Variants in MASP1 observed in about 807,000 individuals in gnomAD.
MASP1 encodes the protein MBL associated serine protease 1.
In MASP1, 59 loss-of-function variants were observed where a neutral mutation model predicts 77.1. The observed-to-expected ratio is 0.77, with a 90% CI of 0.62 to 0.95. The LOEUF (loss-of-function observed/expected upper bound fraction) is 0.95. MASP1 is among the 40% of genes least tolerant of loss of function. MASP1 has a pLI of 0.00. For synonymous variants in MASP1, 362 were observed against 354.5 expected, an observed-to-expected ratio of 1.02 and a Z score of -0.24; for missense variants, 885 against 912.9, an observed-to-expected ratio of 0.97 and a Z score of 0.39.
At chr3:187,271,846 T>A (rs1427697047) in intron 2 of MASP1, among the ~76,000 whole-genome samples, 1 of 152,158 alleles carries the variant, frequency 6.6e-6, no homozygotes, top group African/African-American at 2.4e-5. Flanking sequence ...CTTCCCTTCA[T>A]CACAGAACAT....
rs562751953 is a variant in MASP1, at chr3:187,252,364, G to A, written c.893-612C>T. Reference sequence around the variant, plus strand: ...ATGACCCAAATTGCTCTTTCTTCCCGAGGCCCTTCTTCAAAGCATTAGAAA... The same window carrying A: ...ATGACCCAAATTGCTCTTTCTTCCCAAGGCCCTTCTTCAAAGCATTAGAAA... On this transcript the variant is annotated intron_variant, in intron 6 of 10. Transcript: ENST00000296280. 7.6e-4 allele frequency among the ~76,000 whole-genome samples: 115 copies of A among 152,232 alleles called. 3 individuals carry two copies. In the South Asian group the frequency reaches 0.023, roughly 30 times the overall value.
intron 2 of MASP1, among the ~76,000 whole-genome samples, chr3:187,277,277 A>G (rs777353655): frequency 6.6e-6 from 1 of 152,080 alleles, no homozygotes; most frequent in African/African-American, 2.4e-5. Flanking sequence ...TGTGCTTTCT[A>G]CTGGAGAAAA....
intron 2 of MASP1, among the ~76,000 whole-genome samples, chr3:187,274,069 G>A (rs1171806769): frequency 1.3e-5 from 2 of 152,000 alleles, no homozygotes; most frequent in South Asian, 2.1e-4. Flanking sequence ...TTAGCCGGGC[G>A]TCCTGGCGGG....
intron 2 of MASP1, among the ~76,000 whole-genome samples, chr3:187,265,937 G>A (rs777122692): frequency 1.6e-4 from 25 of 152,220 alleles, no homozygotes; most frequent in African/African-American, 5.8e-4. Context: ...CACTGGTCCC[G>A]GTTAATATTT....
chr3:187,273,534 C>T (rs554342355), intron 2 of MASP1, among the ~76,000 whole-genome samples: 123 of 152,136 alleles, frequency 8.1e-4, no homozygotes, highest in Non-Finnish European at 1.5e-3. Context: ...AATGATTCAC[C>T]GACAGCCCCG....
At chr3:187,249,378 G>C (rs561353740) in intron 8 of MASP1, among the ~76,000 whole-genome samples, 1 of 152,148 alleles carries the variant, frequency 6.6e-6, no homozygotes, top group South Asian at 2.1e-4. Context: ...ACCTCACCAA[G>C]CCATTGTAAA....
intron 2 of MASP1, among the ~76,000 whole-genome samples, chr3:187,266,607 G>A (rs1483489681): frequency 1.3e-5 from 2 of 152,132 alleles, no homozygotes; most frequent in Non-Finnish European, 2.9e-5. Flanking sequence ...AGAGTATGTA[G>A]GGAGAGGAAA....
At chr3:187,226,498 G>C in exon 12 of MASP1, 7 of 1,611,576 alleles carry the variant, frequency 4.3e-6, no homozygotes, top group Non-Finnish European at 5.1e-6. Context: ...GGCAGTGTGC[G>C]GCGGTCACGA....
At position 187,260,766 on chromosome 3, in the gene MASP1, G is replaced by A; in HGVS notation, c.522C>T (p.Leu174=). The change falls in exon 4 of 11, where the codon CTC becomes CTT. Residue 174 remains leucine, a synonymous_variant. Coordinates refer to ENST00000296280, the MANE Select transcript of MASP1 (RefSeq NM_139125.4). ...YYCSCRFGYI[L]HTDNRTCRVE... ...CTCGGCAGGTCCTGTTGTCTGTGTG[G>A]AGGATGTAGCCGAAGCGGCAGGAGC... 1 of 1,614,166 alleles carries A rather than the reference G, an allele frequency of 6.2e-7. No individual in the cohort carries two copies. Among genetic ancestry groups the A allele is most frequent in the Non-Finnish European group, 8.5e-7 (1 of 1,180,026 alleles).
chr3:187,288,745 A>C (rs1032223586), intron 1 of MASP1, among the ~76,000 whole-genome samples: 1 of 152,142 alleles, frequency 6.6e-6, no homozygotes, highest in East Asian at 1.9e-4. Flanking sequence ...CTTTTTCCAG[A>C]CCACATCGAG....
intron 7 of MASP1, 68 bp downstream of exon 7, chr3:187,251,566 T>G: frequency 7.8e-7 from 1 of 1,279,798 alleles, no homozygotes. Flanking sequence ...CCATCTGCCC[T>G]GGGGAGGGGC....
Position 187,253,267 on chromosome 3 carries a change from G to A in MASP1, c.793C>T (p.Pro265Ser). The A allele has an allele frequency of 6.2e-7, 1 of 1,614,030 alleles. No individual in the cohort carries two copies. The highest frequency in any genetic ancestry group is 8.5e-7 in the Non-Finnish European group (1 of 1,180,018). Residue 265 changes from proline to serine, a missense_variant, in exon 6 of 11, where the codon CCA becomes TCA. Transcript: ENST00000296280. ...TGGCTCTGGGTGCTGATGGGTTCTG[G>A]GGCTTTCTCTCCACAGAAAGGCCCC... ...VLGPFCGEKA[P>S]EPISTQSHSV... is the part of the protein sequence containing the mutation.
At chr3:187,285,728 C>T in intron 2 of MASP1, 97 bp downstream of exon 2, 1 of 965,560 alleles carries the variant, frequency 1.0e-6, no homozygotes, top group Non-Finnish European at 1.7e-6. Flanking sequence ...GTGTGTCTCT[C>T]TTACTATATG....
In MASP1 at chr3:187,260,788, G is replaced by A. The variant is rs1190115872; in HGVS notation, c.500C>T (p.Ser167Phe). 6.2e-7 allele frequency: 1 copy of A among 1,614,084 alleles called. No individual in the cohort carries two copies. Residue 167 changes from serine to phenylalanine, a missense_variant, in exon 4 of 11, where the codon TCC becomes TTC. Transcript: ENST00000296280. ...CHNYIGGYYC[S>F]CRFGYILHTD... ...GTGGAGGATGTAGCCGAAGCGGCAG[G>A]AGCAGTAGTAGCCGCCAATGTAGTT... is the stretch of plus-strand genomic sequence containing the variant.
At chr3:187,247,425 C>A in intron 8 of MASP1, 1 of 1,611,954 alleles carries the variant, frequency 6.2e-7, no homozygotes, top group Non-Finnish European at 8.5e-7. Context: ...TCAAGAGATA[C>A]AGAGGAAGGA....
intron 2 of MASP1, among the ~76,000 whole-genome samples, chr3:187,272,749 AT>A (rs1483998384): frequency 6.6e-6 from 1 of 152,214 alleles, no homozygotes; most frequent in Non-Finnish European, 1.5e-5. Flanking sequence ...CAGAAGGAGC[AT>A]GGTCCTGCAG....
intron 2 of MASP1, among the ~76,000 whole-genome samples, chr3:187,285,061 T>G (rs1163555844): frequency 1.3e-5 from 2 of 152,214 alleles, no homozygotes; most frequent in African/African-American, 4.8e-5. Flanking sequence ...CACGTCTTTT[T>G]TAACTAGATA....
chr3:187,279,956 G>A (rs1029081128), intron 2 of MASP1, among the ~76,000 whole-genome samples: 18 of 152,218 alleles, frequency 1.2e-4, no homozygotes, highest in Non-Finnish European at 2.2e-4. Context: ...ATTTTACTTC[G>A]AAGAATTCTT....
At chr3:187,228,100 TA>T (rs1395347035) in intron 11 of MASP1, among the ~76,000 whole-genome samples, 1 of 152,018 alleles carries the variant, frequency 6.6e-6, no homozygotes, top group Non-Finnish European at 1.5e-5. Context: ...ACATAAGTCA[TA>T]GGGAATAAAC....
Sources: allele counts gnomAD v4.1 joint callset (sites outside exome capture counted in the v4.1 genomes callset), GRCh38; gene constraint gnomAD v4.1.1; transcripts MANE v1.5; gene names NCBI Gene and HGNC (gene_info 2026-07-23, HGNC 2026-07-21).